The following GLIS3 variants were observed in gnomAD, a reference collection of about 807,000 sequenced individuals.
GLIS3 encodes GLIS family zinc finger 3, also known as zinc finger protein GLIS3.
Under a neutral mutation model 78.6 loss-of-function variants are expected in GLIS3, and 53 were observed. That is an observed-to-expected ratio of 0.67 (90% CI 0.54 to 0.85). GLIS3 has a LOEUF of 0.85. GLIS3 is among the 40% of genes least tolerant of loss of function. The probability of loss-of-function intolerance (pLI) is 0.00; values close to 1 mark genes in which losing one functional copy is unlikely to be tolerated. For synonymous variants in GLIS3, 684 were observed against 509.9 expected (o/e 1.34, Z -4.60); for missense variants, 1,703 against 1,231.1 (o/e 1.38, Z -5.74).
At chr9:4,045,955 G>T (rs1003847926) in intron 4 of GLIS3, among the ~76,000 whole-genome samples, 1 of 152,094 alleles carries the variant, frequency 6.6e-6, no homozygotes, top group Admixed American at 6.6e-5. Context: ...GATCGGGGGG[G>T]AAATCATAAA....
intron 4 of GLIS3, among the ~76,000 whole-genome samples, chr9:3,978,609 A>ATGTGTATATGTT (rs1434179568): frequency 6.6e-6 from 1 of 151,994 alleles, no homozygotes; most frequent in Non-Finnish European, 1.5e-5. Context: ...TTATTTTGCA[A>ATGTGTATATGTT]TGTTATGTGT....
intron 4 of GLIS3, among the ~76,000 whole-genome samples, chr9:4,009,897 G>T (rs1240114083): frequency 6.6e-6 from 1 of 152,184 alleles, no homozygotes; most frequent in Non-Finnish European, 1.5e-5. Flanking sequence ...CACAAAGGAG[G>T]CTCTCAAGTA....
At chr9:4,207,525 G>C (rs1315226572) in intron 2 of GLIS3, among the ~76,000 whole-genome samples, 2 of 152,172 alleles carry the variant, frequency 1.3e-5, no homozygotes, top group Non-Finnish European at 2.9e-5. Flanking sequence ...AATTATTCCT[G>C]CTTAAAGTTA....
intron 4 of GLIS3, among the ~76,000 whole-genome samples, chr9:4,109,758 T>C (rs1831058495): frequency 6.6e-6 from 1 of 152,194 alleles, no homozygotes; most frequent in Non-Finnish European, 1.5e-5. Flanking sequence ...TCACTTCCAC[T>C]CCTACCTAGT....
At chr9:4,394,182 G>A in the GLIS3 span, among the ~76,000 whole-genome samples, 1 of 152,044 alleles carries the variant, frequency 6.6e-6, no homozygotes, top group East Asian at 1.9e-4. Flanking sequence ...TCTTCTCAAG[G>A]AGTGTATAAA....
chr9:4,038,652 C>T (rs139469627), intron 4 of GLIS3, among the ~76,000 whole-genome samples: 1 of 152,206 alleles, frequency 6.6e-6, no homozygotes, highest in Non-Finnish European at 1.5e-5. Flanking sequence ...ACTGTGCTAG[C>T]ATGTTATAAA....
chr9:3,958,330 C>A (rs771725388), intron 4 of GLIS3, among the ~76,000 whole-genome samples: 1 of 152,100 alleles, frequency 6.6e-6, no homozygotes, highest in Non-Finnish European at 1.5e-5. Context: ...ATGGGCCAGA[C>A]GCTTACATAA....
chr9:4,178,930 T>A (rs1201543647), intron 2 of GLIS3, among the ~76,000 whole-genome samples: 1 of 152,206 alleles, frequency 6.6e-6, no homozygotes, highest in Non-Finnish European at 1.5e-5. Context: ...TGGGTTTTAT[T>A]TTACAGTTTC....
At chr9:4,166,531 A>C (rs1285203401) in intron 2 of GLIS3, among the ~76,000 whole-genome samples, 1 of 152,268 alleles carries the variant, frequency 6.6e-6, no homozygotes, top group African/African-American at 2.4e-5. Context: ...AGAGAACTGC[A>C]CTAATGATAT....
chr9:3,949,810 G>A lies in GLIS3; in HGVS notation c.1711-12621C>T, dbSNP rs182613606. On this transcript the variant is annotated intron_variant, in intron 4 of 10. Coordinates refer to ENST00000381971, the MANE Select transcript of GLIS3 (RefSeq NM_001042413.2). The stretch of plus-strand genomic sequence containing the variant: ...GTCTCTTTGAGGCAAAATGCCTCGA[G>A]AAAGAGAAAAATAGTTCATTTTGCT... Among the ~76,000 whole-genome samples the A allele has an allele frequency of 1.1e-4, 17 of 152,292 alleles. No individual in the cohort carries two copies. The East Asian group carries it at 3.3e-3, about 29-fold the overall frequency.
At chr9:4,143,757 T>C (rs1196299705) in intron 2 of GLIS3, among the ~76,000 whole-genome samples, 2 of 152,108 alleles carry the variant, frequency 1.3e-5, no homozygotes, top group African/African-American at 2.4e-5. Flanking sequence ...TGACAACCAC[T>C]ATTCTACCCT....
chr9:4,315,004 T>A (rs1817417114), intron 2 of GLIS3, among the ~76,000 whole-genome samples: 1 of 152,206 alleles, frequency 6.6e-6, no homozygotes, highest in Non-Finnish European at 1.5e-5. Context: ...GTGAAGCCAT[T>A]CTATAGCTAC....
Position 3,963,827 on chromosome 9 carries a change from C to T in GLIS3, c.1711-26638G>A, listed in dbSNP as rs187670483. ...TCCTGGTACAGAAACTGTAAATAAG[C>T]CCTTCGGAGACAGTGCTGGCAAGGG... On this transcript the variant is annotated intron_variant, in intron 4 of 10. Transcript: ENST00000381971. Among the ~76,000 whole-genome samples the T allele has an allele frequency of 2.0e-5, 3 of 151,908 alleles. No homozygotes were observed. The East Asian group carries it at 5.8e-4, about 30-fold the overall frequency.
chr9:4,367,302 C>G, the GLIS3 span, among the ~76,000 whole-genome samples: 2 of 152,234 alleles, frequency 1.3e-5, no homozygotes, highest in Admixed American at 6.5e-5. Context: ...TGATTGCTGC[C>G]CCTGTTTGGG....
intron 2 of GLIS3, among the ~76,000 whole-genome samples, chr9:4,191,156 A>G (rs947103571): frequency 6.6e-6 from 1 of 150,560 alleles, no homozygotes; most frequent in Non-Finnish European, 1.5e-5. Context: ...TAACATCATA[A>G]TGACAGGATC....
chr9:4,272,720 T>C (rs1043649548), intron 2 of GLIS3, among the ~76,000 whole-genome samples: 5 of 152,240 alleles, frequency 3.3e-5, no homozygotes, highest in Non-Finnish European at 5.9e-5. Context: ...TAAGTAATTT[T>C]GCTATTAACT....
intron 4 of GLIS3, among the ~76,000 whole-genome samples, chr9:3,973,054 G>A (rs1187319644): frequency 1.3e-5 from 2 of 152,156 alleles, no homozygotes; most frequent in African/African-American, 4.8e-5. Flanking sequence ...AGGACCCACA[G>A]AACTCACTGA....
intron 1 of GLIS3, among the ~76,000 whole-genome samples, chr9:4,292,026 T>C (rs1413548927): frequency 6.6e-6 from 1 of 152,082 alleles, no homozygotes; most frequent in South Asian, 2.1e-4. Flanking sequence ...TGGTCAGTTA[T>C]AAGAAATCAC....
At position 4,214,207 on chromosome 9, in the gene GLIS3, T is replaced by C. The variant is rs151304602; in HGVS notation, c.388+71831A>G. On this transcript the variant is annotated intron_variant, in intron 2 of 10. Transcript: ENST00000381971. ...ATAATTGCTCAAAAATAAATTCTGC[T>C]CTCTGATCATCTTGTCATAAAAGCT... is the stretch of plus-strand genomic sequence containing the variant. 4.7e-3 allele frequency among the ~76,000 whole-genome samples: 710 copies of C among 152,314 alleles called. 12 individuals carry two copies. The highest frequency in any genetic ancestry group is 0.016 in the African/African-American group (675 of 41,554).
Sources: allele counts gnomAD v4.1 joint callset (sites outside exome capture counted in the v4.1 genomes callset), GRCh38; gene constraint gnomAD v4.1.1; transcripts MANE v1.5; gene names NCBI Gene and HGNC (gene_info 2026-07-23, HGNC 2026-07-21).